Variants in PEPD observed in about 807,000 individuals in gnomAD.
PEPD encodes the protein xaa-Pro dipeptidase.
PEPD carries 53 observed loss-of-function variants against 60.7 expected under a neutral mutation model. The observed-to-expected ratio is 0.87, with a 90% CI of 0.70 to 1.10. PEPD has a LOEUF of 1.10. Among genes scored for constraint, PEPD ranks in the 50% least tolerant of loss-of-function variants. The pLI is 0.00. For synonymous variants in PEPD, 267 were observed against 284.1 expected (o/e 0.94, Z 0.60); for missense variants, 711 against 711.9 (o/e 1.00, Z 0.01).
intron 4 of PEPD, among the ~76,000 whole-genome samples, chr19:33,500,032 T>G (rs576047272): frequency 1.3e-5 from 2 of 152,260 alleles, no homozygotes; most frequent in Non-Finnish European, 2.9e-5. Context: ...ACTTCCACAC[T>G]GCAGCCCCGG....
At chr19:33,469,243 G>A (rs1204711053) in intron 7 of PEPD, among the ~76,000 whole-genome samples, 1 of 152,122 alleles carries the variant, frequency 6.6e-6, no homozygotes, top group East Asian at 1.9e-4. Flanking sequence ...TCAGCCCTGT[G>A]CCCACCCATC....
At position 33,501,001 on chromosome 19, in the gene PEPD, C is replaced by A; in HGVS notation, c.330G>T (p.Lys110Asn). ...CCTTGAAGTGCTCCTTGGAATGGAT[C>A]CTCAAAGAAAAGCACAAGGAATATC... The part of the protein sequence containing the change: ...LPASHATWMG[K>N]IHSKEHFKEK... The change falls in exon 4 of 15, where the codon AAG becomes AAT. Residue 110 changes from lysine to asparagine, a missense_variant and splice_region_variant. Transcript: ENST00000244137. The A allele has an allele frequency of 6.3e-7, 1 of 1,586,934 alleles. No individual in the cohort carries two copies. Among genetic ancestry groups the A allele is most frequent in the Non-Finnish European group, 8.7e-7 (1 of 1,155,272 alleles).
At chr19:33,402,273 C>T (rs1175311815) in intron 11 of PEPD, among the ~76,000 whole-genome samples, 10 of 152,208 alleles carry the variant, frequency 6.6e-5, no homozygotes, top group Non-Finnish European at 1.3e-4. Flanking sequence ...GGCCTCCACC[C>T]GGCACCCCAA....
chr19:33,467,348 C>CTT (rs148366991), intron 7 of PEPD, among the ~76,000 whole-genome samples: 5,497 of 147,952 alleles, frequency 0.037, 280 homozygotes, highest in Admixed American at 0.16. Context: ...AGTTTTATGG[C>CTT]TTTTTTTTTT....
intron 9 of PEPD, 65 bp from the exon 10 acceptor site, chr19:33,413,708 C>A (rs1968830984): frequency 1.0e-6 from 1 of 991,528 alleles, no homozygotes; most frequent in South Asian, 1.4e-5. Context: ...CCACGAGCCC[C>A]ATGAACCCCA....
At chr19:33,492,452 T>C (rs1970519965) in intron 5 of PEPD, among the ~76,000 whole-genome samples, 1 of 152,214 alleles carries the variant, frequency 6.6e-6, no homozygotes, top group Non-Finnish European at 1.5e-5. Flanking sequence ...GTACCTGAAA[T>C]ATTCTGATAC....
At position 33,465,720 on chromosome 19, in the gene PEPD, T is replaced by C. The variant is rs556179512; in HGVS notation, c.549-1658A>G. 2.0e-5 allele frequency among the ~76,000 whole-genome samples: 3 copies of C among 152,282 alleles called. No homozygotes were observed. The South Asian group carries it at 6.2e-4, about 32-fold the overall frequency. ...ACCTAGAACAGGTACTACCTTCCCATTTTACAGATAGCGACACTGAGACTT... is the reference window on the plus strand; with the variant it reads ...ACCTAGAACAGGTACTACCTTCCCACTTTACAGATAGCGACACTGAGACTT... On this transcript the variant is annotated intron_variant, in intron 7 of 14. Coordinates refer to ENST00000244137, the MANE Select transcript of PEPD (RefSeq NM_000285.4).
chr19:33,496,577 T>G (rs892432438), intron 4 of PEPD, among the ~76,000 whole-genome samples: 4 of 152,244 alleles, frequency 2.6e-5, no homozygotes, highest in Non-Finnish European at 5.9e-5. Context: ...CACGACGCGC[T>G]GTGCGTTGCT....
rs749490639 is a variant in PEPD, at chr19:33,401,882, G to A, written c.819-13C>T. On this transcript the variant is annotated splice_polypyrimidine_tract_variant and intron_variant, in intron 11 of 14. Coordinates refer to ENST00000244137, the MANE Select transcript of PEPD (RefSeq NM_000285.4). ...CATGTCGAACAGGCTGCGGAGAGAGGAAGGCAGGGCAAGTGGGTACTGGGG... is the reference window on the plus strand; with the variant it reads ...CATGTCGAACAGGCTGCGGAGAGAGAAAGGCAGGGCAAGTGGGTACTGGGG... 22 of 1,612,442 alleles carry A rather than the reference G, an allele frequency of 1.4e-5. No individual in the cohort carries two copies. The South Asian group carries it at 1.5e-4, about 11-fold the overall frequency.
intron 9 of PEPD, among the ~76,000 whole-genome samples, chr19:33,417,101 T>C (rs371543264): frequency 2.0e-5 from 3 of 151,976 alleles, no homozygotes; most frequent in African/African-American, 7.2e-5. Flanking sequence ...ATGCTGCAGC[T>C]GCCCAGACAG....
intron 9 of PEPD, among the ~76,000 whole-genome samples, chr19:33,416,592 C>T (rs984478272): frequency 2.0e-5 from 3 of 152,216 alleles, no homozygotes; most frequent in Admixed American, 6.5e-5. Context: ...AAGCCCAGCG[C>T]GCACCTCCTC....
intron 6 of PEPD, among the ~76,000 whole-genome samples, chr19:33,485,946 T>C (rs1475823559): frequency 2.6e-5 from 4 of 152,080 alleles, no homozygotes; most frequent in Non-Finnish European, 5.9e-5. Flanking sequence ...GACTGCCTTG[T>C]GCCAAGAAGG....
At chr19:33,521,708 G>T in intron 1 of PEPD, 36 bp downstream of exon 1, 2 of 1,572,310 alleles carry the variant, frequency 1.3e-6, no homozygotes. Context: ...CCCTCTCCAC[G>T]CCAGCGGGAA....
chr19:33,472,448 A>G (rs1970138195), intron 7 of PEPD, among the ~76,000 whole-genome samples: 1 of 152,220 alleles, frequency 6.6e-6, no homozygotes, highest in South Asian at 2.1e-4. Flanking sequence ...CGCTGTGGGC[A>G]TCAACATGCC....
At chr19:33,499,113 C>A (rs1267835922) in intron 4 of PEPD, among the ~76,000 whole-genome samples, 2 of 152,108 alleles carry the variant, frequency 1.3e-5, no homozygotes, top group Admixed American at 1.3e-4. Flanking sequence ...CAGATGGTCT[C>A]ATTGGGAGCA....
At chr19:33,445,898 C>T (rs1378220644) in intron 9 of PEPD, among the ~76,000 whole-genome samples, 40 of 152,312 alleles carry the variant, frequency 2.6e-4, no homozygotes, top group Admixed American at 2.6e-3. Flanking sequence ...CTGGCCACAG[C>T]CTGCTGCCCA....
intron 7 of PEPD, among the ~76,000 whole-genome samples, chr19:33,473,750 T>C (rs1308840976): frequency 2.6e-5 from 4 of 152,250 alleles, no homozygotes; most frequent in African/African-American, 4.8e-5. Context: ...GGAAGTAAGA[T>C]GCCTGCTCTT....
intron 9 of PEPD, among the ~76,000 whole-genome samples, chr19:33,430,496 G>A (rs1969246286): frequency 6.6e-6 from 1 of 152,220 alleles, no homozygotes; most frequent in Admixed American, 6.5e-5. Context: ...GAGCCCAGCA[G>A]ATCAAAGCCC....
In PEPD at chr19:33,509,826, G is replaced by A. The variant is rs181961606; in HGVS notation, c.329+1202C>T. 2.7e-3 allele frequency among the ~76,000 whole-genome samples: 412 copies of A among 152,340 alleles called. 4 individuals are homozygous for A. Among genetic ancestry groups the A allele is most frequent in the Non-Finnish European group, 5.3e-4 (36 of 68,028 alleles). ...TGTCCGCCCTGGCACCACTGAGCAG[G>A]CAGAACAGCTCCTCGGCGGTGGGGA... On this transcript the variant is annotated intron_variant, in intron 3 of 14. Coordinates refer to ENST00000244137, the MANE Select transcript of PEPD (RefSeq NM_000285.4).
Sources: allele counts gnomAD v4.1 joint callset (sites outside exome capture counted in the v4.1 genomes callset), GRCh38; gene constraint gnomAD v4.1.1; transcripts MANE v1.5; gene names NCBI Gene and HGNC (gene_info 2026-07-23, HGNC 2026-07-21).